GRIK4: variants seen among roughly 807,000 people sequenced by gnomAD.
GRIK4 encodes the protein glutamate ionotropic receptor kainate type subunit 4.
In GRIK4, 40 loss-of-function variants were observed where a neutral mutation model predicts 104.9. The observed-to-expected ratio is 0.38, with a 90% CI of 0.30 to 0.50. GRIK4 has a LOEUF of 0.50. Ranked by LOEUF, GRIK4 falls within the 20% of genes least tolerant of loss-of-function variation. The probability of loss-of-function intolerance (pLI) is 0.93; values close to 1 mark genes in which losing one functional copy is unlikely to be tolerated. For missense variants in GRIK4, 1,047 were observed against 1,308.1 expected (o/e 0.80, Z 3.08); for synonymous variants, 485 against 524.9 (o/e 0.92, Z 1.04).
chr11:120,745,639 G>A (rs1340325931), intron 3 of GRIK4, among the ~76,000 whole-genome samples: 3 of 152,168 alleles, frequency 2.0e-5, no homozygotes, highest in Non-Finnish European at 2.9e-5. Context: ...AATCAGTTGG[G>A]CATTGTTGAC....
chr11:120,654,609 C>T (rs774200842), intron 2 of GRIK4, among the ~76,000 whole-genome samples: 7 of 152,084 alleles, frequency 4.6e-5, no homozygotes, highest in Non-Finnish European at 1.0e-4. Flanking sequence ...GTGATCTGCC[C>T]GCCTTGGCCT....
chr11:120,743,536 T>G (rs1951377621), intron 3 of GRIK4, among the ~76,000 whole-genome samples: 1 of 152,196 alleles, frequency 6.6e-6, no homozygotes, highest in Non-Finnish European at 1.5e-5. Flanking sequence ...GTGAGTTTAC[T>G]TATGTAACGA....
rs373137418 is a variant in GRIK4, at chr11:120,803,258, G to A, written c.247+401G>A. ...TACCTTGCTTCCTTATGCTAAGGGC[G>A]CTGTTGTGGGAGAAACTGGGACTTG... On this transcript the variant is annotated intron_variant, in intron 4 of 20. Transcript: ENST00000527524. Among the ~76,000 whole-genome samples, 161 of 152,262 alleles carry A rather than the reference G, an allele frequency of 1.1e-3. 1 individual carries two copies. Among genetic ancestry groups the A allele is most frequent in the African/African-American group, 3.7e-3 (152 of 41,550 alleles).
chr11:120,596,129 G>A (rs914955745), intron 1 of GRIK4, among the ~76,000 whole-genome samples: 3 of 152,158 alleles, frequency 2.0e-5, no homozygotes, highest in Non-Finnish European at 4.4e-5. Flanking sequence ...TACAGGCACG[G>A]GCCACTGTGC....
At chr11:120,711,648 A>C (rs1485821251) in intron 3 of GRIK4, among the ~76,000 whole-genome samples, 2 of 152,232 alleles carry the variant, frequency 1.3e-5, no homozygotes, top group Non-Finnish European at 2.9e-5. Context: ...TGGCAAAACT[A>C]TACCAAACAG....
chr11:120,895,674 C>T (rs1048394734), intron 11 of GRIK4, among the ~76,000 whole-genome samples: 1 of 152,112 alleles, frequency 6.6e-6, no homozygotes, highest in Admixed American at 6.5e-5. Context: ...GGTTCAAGCC[C>T]GTGCTACACC....
intron 14 of GRIK4, among the ~76,000 whole-genome samples, chr11:120,951,907 C>A (rs749827343): frequency 3.9e-5 from 6 of 152,208 alleles, no homozygotes; most frequent in Non-Finnish European, 8.8e-5. Flanking sequence ...GCAGGATAAA[C>A]AATTCAACTC....
intron 19 of GRIK4, among the ~76,000 whole-genome samples, chr11:120,972,212 G>A (rs1044644184): frequency 1.3e-5 from 2 of 152,172 alleles, no homozygotes; most frequent in African/African-American, 4.8e-5. Flanking sequence ...CAGTGCCCTG[G>A]ACTGGGTTTG....
chr11:120,831,356 T>C (rs1953423567), intron 6 of GRIK4, among the ~76,000 whole-genome samples: 2 of 152,324 alleles, frequency 1.3e-5, no homozygotes, highest in African/African-American at 4.8e-5. Context: ...ACACGTGGCC[T>C]CTTGTAATCC....
intron 1 of GRIK4, among the ~76,000 whole-genome samples, chr11:120,556,480 C>T (rs983260126): frequency 1.3e-5 from 2 of 152,156 alleles, no homozygotes; most frequent in Non-Finnish European, 2.9e-5. Context: ...GGAGGCAGCA[C>T]CTACCTGCCC....
At chr11:120,813,642 G>T (rs1952873794) in intron 4 of GRIK4, among the ~76,000 whole-genome samples, 1 of 152,158 alleles carries the variant, frequency 6.6e-6, no homozygotes, top group Admixed American at 6.5e-5. Context: ...GAACCCTGGT[G>T]TTCTGCCTTG....
At chr11:120,600,278 T>C (rs889767850) in intron 1 of GRIK4, among the ~76,000 whole-genome samples, 2 of 152,128 alleles carry the variant, frequency 1.3e-5, no homozygotes, top group African/African-American at 4.8e-5. Context: ...CCTGGTGCAC[T>C]GTCAGCCTTT....
intron 3 of GRIK4, among the ~76,000 whole-genome samples, chr11:120,785,754 G>A (rs983971919): frequency 1.3e-5 from 2 of 152,178 alleles, no homozygotes; most frequent in Non-Finnish European, 2.9e-5. Flanking sequence ...CGTGACACAG[G>A]GAAATGGTTC....
At chr11:120,862,989 A>G (rs1335364133) in intron 9 of GRIK4, among the ~76,000 whole-genome samples, 2 of 152,212 alleles carry the variant, frequency 1.3e-5, no homozygotes, top group East Asian at 1.9e-4. Flanking sequence ...AAGCCCAGAA[A>G]GGTTAGGCAA....
chr11:120,641,342 A>T (rs1949469617), intron 1 of GRIK4, among the ~76,000 whole-genome samples: 1 of 151,920 alleles, frequency 6.6e-6, no homozygotes, highest in African/African-American at 2.4e-5. Flanking sequence ...AACCCAAGTG[A>T]TTTCTATATA....
At chr11:120,730,974 G>A (rs1394444678) in intron 3 of GRIK4, among the ~76,000 whole-genome samples, 1 of 152,196 alleles carries the variant, frequency 6.6e-6, no homozygotes, top group Non-Finnish European at 1.5e-5. Flanking sequence ...GGAGTCTTCA[G>A]GTTTTTCCAA....
chr11:120,850,247 G>A (rs76337487), intron 8 of GRIK4, among the ~76,000 whole-genome samples: 2,257 of 152,112 alleles, frequency 0.015, 56 homozygotes, highest in African/African-American at 0.051. Context: ...AGGCAACTGC[G>A]TCATATAGCG....
At chr11:120,829,169 G>T (rs1158502605) in intron 6 of GRIK4, among the ~76,000 whole-genome samples, 1 of 152,068 alleles carries the variant, frequency 6.6e-6, no homozygotes, top group Non-Finnish European at 1.5e-5. Flanking sequence ...CAGCTGTGGG[G>T]CACCCTCACC....
intron 3 of GRIK4, among the ~76,000 whole-genome samples, chr11:120,668,250 G>T (rs1421003662): frequency 6.8e-6 from 1 of 147,408 alleles, no homozygotes; most frequent in Non-Finnish European, 1.5e-5. Flanking sequence ...TAGGTAGGCA[G>T]ATGAAAGAAA....
Sources: allele counts gnomAD v4.1 joint callset (sites outside exome capture counted in the v4.1 genomes callset), GRCh38; gene constraint gnomAD v4.1.1; transcripts MANE v1.5; gene names NCBI Gene and HGNC (gene_info 2026-07-23, HGNC 2026-07-21).